The following CCDC18 variants were observed in gnomAD, a reference collection of about 807,000 sequenced individuals.
CCDC18 encodes coiled-coil domain containing 18, also known as coiled-coil domain-containing protein 18.
CCDC18 carries 157 observed loss-of-function variants against 196.0 expected under a neutral mutation model. The ratio of observed to expected loss-of-function variants is 0.80; its 90% CI spans 0.70 to 0.91. CCDC18 has a LOEUF of 0.91. Among genes scored for constraint, CCDC18 ranks in the 40% least tolerant of loss-of-function variants. The pLI is 0.00. For synonymous variants in CCDC18, 482 were observed against 529.2 expected (o/e 0.91, Z 1.22); for missense variants, 1,465 against 1,611.6 (o/e 0.91, Z 1.56).
At chr1:93,209,781 G>T (rs1288574117) in intron 9 of CCDC18, among the ~76,000 whole-genome samples, 1 of 152,190 alleles carries the variant, frequency 6.6e-6, no homozygotes, top group Non-Finnish European at 1.5e-5. Context: ...TTTCATATAT[G>T]GTCAGGCACA....
At chr1:93,181,283 T>A (rs1262952984) in intron 1 of CCDC18, among the ~76,000 whole-genome samples, 1 of 128,962 alleles carries the variant, frequency 7.8e-6, no homozygotes, top group Non-Finnish European at 1.5e-5. Context: ...TACATAAAGT[T>A]ATGACTTCTT....
chr1:93,204,084 C>G (rs1028913706), intron 7 of CCDC18, among the ~76,000 whole-genome samples: 6 of 152,054 alleles, frequency 3.9e-5, no homozygotes, highest in African/African-American at 1.4e-4. Context: ...TAGAAAGAAG[C>G]TAAGTTAAGG....
At chr1:93,212,499 C>T (rs1655816856) in intron 11 of CCDC18, among the ~76,000 whole-genome samples, 1 of 152,122 alleles carries the variant, frequency 6.6e-6, no homozygotes, top group African/African-American at 2.4e-5. Context: ...TTCCACCCTC[C>T]ACCCTCTGAT....
chr1:93,229,196 A>C (rs1248915963), intron 17 of CCDC18, among the ~76,000 whole-genome samples: 2 of 152,256 alleles, frequency 1.3e-5, no homozygotes, highest in African/African-American at 4.8e-5. Flanking sequence ...TAAGTAAATT[A>C]GAAAGATTTG....
rs186683741 is a variant in CCDC18 at position 93,185,978 on chromosome 1, A to G, written c.304-367A>G. Among the ~76,000 whole-genome samples the G allele has an allele frequency of 8.5e-5, 13 of 152,070 alleles. No individual in the cohort carries two copies. The East Asian group carries it at 2.3e-3, about 27-fold the overall frequency. On this transcript the variant is annotated intron_variant, in intron 3 of 28. Transcript: ENST00000690025. ...GACATTTGGGTTCTTCCTATTTACTATCTCTGGACAATGTAGCTATGAATA... is the reference window on the plus strand; with the variant it reads ...GACATTTGGGTTCTTCCTATTTACTGTCTCTGGACAATGTAGCTATGAATA...
chr1:93,186,078 A>G (rs59774396), intron 3 of CCDC18, among the ~76,000 whole-genome samples: 13,580 of 151,922 alleles, frequency 0.089, 1,993 homozygotes, highest in African/African-American at 0.31. Context: ...ATTGGTTCTT[A>G]GCATATTCAA....
At position 93,181,159 on chromosome 1, in the gene CCDC18, T is replaced by TTAAAAAAAA. The variant is rs777168910; in HGVS notation, c.-3+307_-3+308insTAAAAAAAA. On this transcript the variant is annotated intron_variant, in intron 1 of 28. Transcript: ENST00000690025. ...TGGCGAGCCACTGTCTCTATAAAAT[T>TTAAAAAAAA]AAAAAAAAAAAAAAAAAGAGGAAAC... 1.2e-3 allele frequency among the ~76,000 whole-genome samples: 109 copies of TTAAAAAAAA among 89,866 alleles called. 5 individuals are homozygous for TTAAAAAAAA. Among genetic ancestry groups the TTAAAAAAAA allele is most frequent in the African/African-American group, 4.3e-3 (101 of 23,266 alleles). 59.0% of individuals were successfully genotyped at this position (89,866 alleles called of 152,430 possible).
rs753173545 is a variant in CCDC18 at position 93,192,122 on chromosome 1, A to G, written c.569+16A>G. ...AAGTTTTGAGGTAAATATACTTTTT[A>G]TAGCTCTCAAAGTTTTATTTTCTAC... On this transcript the variant is annotated intron_variant, in intron 5 of 28. Transcript: ENST00000690025. The G allele has an allele frequency of 6.0e-5, 89 of 1,486,058 alleles. No individual in the cohort carries two copies. Among genetic ancestry groups the G allele is most frequent in the Non-Finnish European group, 8.2e-5 (87 of 1,067,286 alleles). The allele number at this position is 1,486,058 out of a possible 1,614,324, so 92.1% of individuals were successfully genotyped here.
At chr1:93,196,794 T>C (rs1271435212) in intron 6 of CCDC18, among the ~76,000 whole-genome samples, 1 of 152,260 alleles carries the variant, frequency 6.6e-6, no homozygotes, top group Non-Finnish European at 1.5e-5. Context: ...CTAGAAAGCA[T>C]GAATTTGAAC....
In CCDC18 at chr1:93,240,443, GAC is replaced by G. The variant is rs146212843; in HGVS notation, c.2981+553_2981+554del. On this transcript the variant is annotated intron_variant, in intron 21 of 28. Coordinates refer to ENST00000690025, the MANE Select transcript of CCDC18 (RefSeq NM_001378204.1). ...GCAGTATAACATAAACTGTTATGCT[GAC>G]ACACATGTATAGTGAGTGGAGGTGT... Among the ~76,000 whole-genome samples, 1,311 of 152,270 alleles carry G rather than the reference GAC, an allele frequency of 8.6e-3. 15 individuals are homozygous for G. Among genetic ancestry groups the G allele is most frequent in the South Asian group, 0.032 (155 of 4,826 alleles).
Position 93,193,752 on chromosome 1 carries a change from T to C in CCDC18, c.698+8T>C. 1 of 1,536,570 alleles carries C rather than the reference T, an allele frequency of 6.5e-7. No homozygotes were observed. Among genetic ancestry groups the C allele is most frequent in the Admixed American group, 2.3e-5 (1 of 44,106 alleles). On this transcript the variant is annotated splice_region_variant and intron_variant, in intron 6 of 28. Transcript: ENST00000690025. ...AACCAAACAAGGAAAAAGGTATGTG[T>C]TTTTAAAGCAAATACATGTTTTTGA... is the stretch of plus-strand genomic sequence containing the variant.
At chr1:93,271,373 C>G in intron 28 of CCDC18, 2 of 985,026 alleles carry the variant, frequency 2.0e-6, no homozygotes, top group Non-Finnish European at 2.4e-6. Flanking sequence ...TCCCTTTTCT[C>G]TTTAAAAGAA....
intron 6 of CCDC18, 137 bp downstream of exon 6, chr1:93,193,881 C>T (rs1652272506): frequency 1.7e-6 from 1 of 583,422 alleles, no homozygotes; most frequent in Non-Finnish European, 2.7e-6. Context: ...TCTTTTTTAT[C>T]TATTAATTTT....
intron 3 of CCDC18, among the ~76,000 whole-genome samples, chr1:93,184,569 T>C (rs71652527): frequency 0.014 from 2,081 of 151,656 alleles, 27 homozygotes; most frequent in Middle Eastern, 0.024. Flanking sequence ...ATTATCTATT[T>C]TGTCAATGAT....
intron 16 of CCDC18, 30 bp downstream of exon 16, chr1:93,221,966 C>A: frequency 9.5e-6 from 12 of 1,264,084 alleles, no homozygotes; most frequent in South Asian, 1.6e-5. Flanking sequence ...ATTTTTCTTT[C>A]TTTCCTTTTT....
chr1:93,201,956 T>A lies in CCDC18; in HGVS notation c.763T>A (p.Tyr255Asn), dbSNP rs774609342. The A allele has an allele frequency of 3.1e-6, 5 of 1,609,290 alleles. No homozygotes were observed. Among genetic ancestry groups the A allele is most frequent in the Non-Finnish European group, 4.2e-6 (5 of 1,177,942 alleles). The stretch of plus-strand genomic sequence containing the variant: ...AGAGCTGAGTAAAGCTTTCCAACAA[T>A]ATAAAAAAAAAGTGGCTGAAAAACT... ...AEELSKAFQQYKKKVAEKLEK... is the reference protein window; with the variant it reads ...AEELSKAFQQNKKKVAEKLEK... Residue 255 changes from tyrosine to asparagine, a missense_variant, in exon 7 of 29, where the codon TAT (tyrosine) becomes AAT (asparagine). Tyr to Asn is a moderately radical substitution (Grantham distance 143). Transcript: ENST00000690025.
chr1:93,186,609 G>A (rs1415014062), intron 4 of CCDC18, 106 bp downstream of exon 4: 9 of 807,808 alleles, frequency 1.1e-5, no homozygotes, highest in Non-Finnish European at 1.7e-5. Flanking sequence ...TGTGTTATGG[G>A]AAGTAATTTT....
In CCDC18 at chr1:93,239,771, A is replaced by G. The variant is rs2100831525; in HGVS notation, c.2856A>G (p.Gln952=). ...GGGAAGTACTTGAGACTGAACTACA[A>G]AATGCTCATGGAGAATTAAAAAGTA... ...QKREVLETEL[Q]NAHGELKSTL... is the part of the protein sequence containing the mutation. Residue 952 remains glutamine (Q), a synonymous_variant, in exon 21 of 29, where the codon CAA becomes CAG. Coordinates refer to ENST00000690025, the MANE Select transcript of CCDC18 (RefSeq NM_001378204.1). 3 of 1,613,674 alleles carry G rather than the reference A, an allele frequency of 1.9e-6. No homozygotes were observed. The highest frequency in any genetic ancestry group is 2.2e-5 in the East Asian group (1 of 44,830).
chr1:93,236,556 C>A (rs1174265769), intron 19 of CCDC18, among the ~76,000 whole-genome samples, 166 bp downstream of exon 19: 1 of 152,134 alleles, frequency 6.6e-6, no homozygotes, highest in Non-Finnish European at 1.5e-5. Flanking sequence ...TCTCATTATG[C>A]TTTTTACTGT....
Sources: allele counts gnomAD v4.1 joint callset (sites outside exome capture counted in the v4.1 genomes callset), GRCh38; gene constraint gnomAD v4.1.1; transcripts MANE v1.5; gene names NCBI Gene and HGNC (gene_info 2026-07-23, HGNC 2026-07-21).